TMEM170B: variants seen among roughly 807,000 people sequenced by gnomAD.
The protein encoded by TMEM170B is transmembrane protein 170B.
In TMEM170B, 6 loss-of-function variants were observed where a neutral mutation model predicts 13.0. That is an observed-to-expected ratio of 0.46 (90% CI 0.25 to 0.91). TMEM170B has a LOEUF of 0.91. Among genes scored for constraint, TMEM170B ranks in the 40% least tolerant of loss-of-function variants. The pLI, the probability that TMEM170B is intolerant of heterozygous loss-of-function variation, is 0.17. For missense variants in TMEM170B, 138 were observed against 165.2 expected (o/e 0.84, Z 0.90); for synonymous variants, 61 against 64.9 (o/e 0.94, Z 0.29).
At chr6:11,542,303 A>G (rs1176953950) in intron 1 of TMEM170B, among the ~76,000 whole-genome samples, 2 of 152,170 alleles carry the variant, frequency 1.3e-5, no homozygotes, top group African/African-American at 4.8e-5. Context: ...CTTCAACAAT[A>G]TTTTTAAATA....
chr6:11,552,176 T>A lies in TMEM170B; in HGVS notation c.98-13490T>A, dbSNP rs550002379. ...AGTGGTTGGGAACACCCGATTTTTT[T>A]AAAATTATTTTTTGTGATCAATTTA... On this transcript the variant is annotated intron_variant, in intron 1 of 2. Transcript: ENST00000379426. Among the ~76,000 whole-genome samples the A allele has an allele frequency of 3.7e-4, 57 of 152,304 alleles. No individual in the cohort carries two copies. The South Asian group carries it at 0.012, about 32-fold the overall frequency.
intron 1 of TMEM170B, among the ~76,000 whole-genome samples, chr6:11,550,073 A>G (rs1759503869): frequency 6.6e-6 from 1 of 152,082 alleles, no homozygotes; most frequent in Non-Finnish European, 1.5e-5. Context: ...CCTGGACTCA[A>G]GCAGTCTGCC....
Position 11,577,415 on chromosome 6 carries a change from A to G in TMEM170B, c.*1854A>G, listed in dbSNP as rs1759894350. On this transcript the variant is annotated 3_prime_UTR_variant, in exon 3 of 3. Transcript: ENST00000379426. ...AATTAAATTTAGGCATAACTTTTCC[A>G]AGTCAATCTGATTTTTTCTTTTCTG... 1 of 152,184 alleles carries G rather than the reference A, an allele frequency of 6.6e-6. No homozygotes were observed. The highest frequency in any genetic ancestry group is 1.9e-4 in the East Asian group (1 of 5,190). 9.4% of individuals were successfully genotyped at this position (152,184 alleles called of 1,614,324 possible).
chr6:11,545,360 G>A (rs1265221964), intron 1 of TMEM170B, among the ~76,000 whole-genome samples: 1 of 150,684 alleles, frequency 6.6e-6, no homozygotes, highest in Non-Finnish European at 1.5e-5. Context: ...TTTATTCAAA[G>A]GCAATATGTT....
chr6:11,545,843 T>TAAA (rs11426753), intron 1 of TMEM170B, among the ~76,000 whole-genome samples: 6 of 145,568 alleles, frequency 4.1e-5, no homozygotes, highest in East Asian at 2.0e-4. Flanking sequence ...CTGTGTCTAC[T>TAAA]AAAAAAAAAA....
rs1321960707 is a variant in TMEM170B, at chr6:11,575,170, A to G, written c.269-261A>G. Among the ~76,000 whole-genome samples, 2 of 152,158 alleles carry G rather than the reference A, an allele frequency of 1.3e-5. No homozygotes were observed. Among genetic ancestry groups the G allele is most frequent in the Non-Finnish European group, 2.9e-5 (2 of 68,020 alleles). On this transcript the variant is annotated intron_variant, in intron 2 of 2. Coordinates refer to ENST00000379426, the MANE Select transcript of TMEM170B (RefSeq NM_001100829.3). This position sits in a 1 kb window ranked among gnomAD's most constrained non-coding sequence, Gnocchi z 4.1. ...TTCATTGTTTATGAACATATTTGCTATCAAGTATGCAGCATATACCATAAA... is the reference window on the plus strand; with the variant it reads ...TTCATTGTTTATGAACATATTTGCTGTCAAGTATGCAGCATATACCATAAA...
In TMEM170B at chr6:11,581,882, T is replaced by G. The variant is rs1759962794; in HGVS notation, c.*6321T>G. 6.6e-6 allele frequency: 1 copy of G among 152,212 alleles called. No individual in the cohort carries two copies. The highest frequency in any genetic ancestry group is 2.1e-4 in the South Asian group (1 of 4,832). The allele number at this position is 152,212 out of a possible 1,614,324, so 9.4% of individuals were successfully genotyped here. A position where few individuals can be genotyped will look rare whatever the true frequency, so the allele number is the denominator to read the frequency against. ...CTTGTTGAGTAAATGATCATAAAAA[T>G]GACTTGCTTTTAATAGCAGATGAGT... On this transcript the variant is annotated 3_prime_UTR_variant, in exon 3 of 3. Transcript: ENST00000379426.
At chr6:11,543,691 G>C (rs150109163) in intron 1 of TMEM170B, among the ~76,000 whole-genome samples, 3 of 152,286 alleles carry the variant, frequency 2.0e-5, no homozygotes, top group Non-Finnish European at 4.4e-5. Flanking sequence ...TCTAGAACCA[G>C]TACTACTTGG....
rs1759973618 is a variant in TMEM170B, at chr6:11,582,784, G to A, written c.*7223G>A. ...AGACAGGAGAATAAATGTTGGAGGGGTAATACACAAAAACAAAGGCATATT... is the reference window on the plus strand; with the variant it reads ...AGACAGGAGAATAAATGTTGGAGGGATAATACACAAAAACAAAGGCATATT... On this transcript the variant is annotated 3_prime_UTR_variant, in exon 3 of 3. Coordinates refer to ENST00000379426, the MANE Select transcript of TMEM170B (RefSeq NM_001100829.3). 2 of 152,058 alleles carry A rather than the reference G, an allele frequency of 1.3e-5. No individual in the cohort carries two copies. The highest frequency in any genetic ancestry group is 6.6e-5 in the Admixed American group (1 of 15,266). The allele number at this position is 152,058 out of a possible 1,614,324, so 9.4% of individuals were successfully genotyped here. A position where few individuals can be genotyped will look rare whatever the true frequency, so the allele number is the denominator to read the frequency against.
intron 1 of TMEM170B, among the ~76,000 whole-genome samples, chr6:11,549,042 G>T (rs900263524): frequency 6.6e-5 from 10 of 152,084 alleles, no homozygotes; most frequent in Admixed American, 2.0e-4. Context: ...CCTGCACGTT[G>T]TGCACATGTA....
At chr6:11,543,266 G>C (rs1199346901) in intron 1 of TMEM170B, among the ~76,000 whole-genome samples, 1 of 152,132 alleles carries the variant, frequency 6.6e-6, no homozygotes, top group African/African-American at 2.4e-5. Context: ...TGTTTATTGA[G>C]ATGAATTTTT....
intron 1 of TMEM170B, among the ~76,000 whole-genome samples, chr6:11,559,197 CTT>C (rs754732208): frequency 6.4e-5 from 9 of 139,790 alleles, no homozygotes; most frequent in Admixed American, 7.1e-5. Flanking sequence ...CTTTTCTTTT[CTT>C]TTTTTTTTTT....
rs148910110 is a variant in TMEM170B, at chr6:11,556,670, C to T, written c.98-8996C>T. Among the ~76,000 whole-genome samples, 9 of 152,200 alleles carry T rather than the reference C, an allele frequency of 5.9e-5. No individual in the cohort carries two copies. The East Asian group carries it at 9.6e-4, about 16-fold the overall frequency. On this transcript the variant is annotated intron_variant, in intron 1 of 2. Coordinates refer to ENST00000379426, the MANE Select transcript of TMEM170B (RefSeq NM_001100829.3). Reference sequence around the variant, plus strand: ...TCTTAGGAGTTTCTCGTCCTTCCATCGGCAGTAACAGACCTCTGCTTGGAA... The same window carrying T: ...TCTTAGGAGTTTCTCGTCCTTCCATTGGCAGTAACAGACCTCTGCTTGGAA...
rs952223080 is a variant in TMEM170B at position 11,582,542 on chromosome 6, C to T, written c.*6981C>T. The T allele has an allele frequency of 3.3e-5, 5 of 152,068 alleles. No individual in the cohort carries two copies. Among genetic ancestry groups the T allele is most frequent in the Non-Finnish European group, 5.9e-5 (4 of 68,002 alleles). 9.4% of individuals were successfully genotyped at this position (152,068 alleles called of 1,614,324 possible). On this transcript the variant is annotated 3_prime_UTR_variant, in exon 3 of 3. Transcript: ENST00000379426. ...TATTTTCATGATGTGGTATTTTTCT[C>T]TATTTTTTCTTTTTCCAAGTATGAA...
Position 11,576,615 on chromosome 6 carries a change from A to G in TMEM170B, c.*1054A>G, listed in dbSNP as rs534662098. 2 of 152,188 alleles carry G rather than the reference A, an allele frequency of 1.3e-5. No individual in the cohort carries two copies. Among genetic ancestry groups the G allele is most frequent in the South Asian group, 2.1e-4 (1 of 4,828 alleles). The allele number at this position is 152,188 out of a possible 1,614,324, so 9.4% of individuals were successfully genotyped here. ...ATTAGGCTCTGGAAATAAAGACCTCATTTGTAGAAATAAGTAACAAGTAAG... is the reference window on the plus strand; with the variant it reads ...ATTAGGCTCTGGAAATAAAGACCTCGTTTGTAGAAATAAGTAACAAGTAAG... On this transcript the variant is annotated 3_prime_UTR_variant, in exon 3 of 3. Coordinates refer to ENST00000379426, the MANE Select transcript of TMEM170B (RefSeq NM_001100829.3).
At chr6:11,547,061 G>A (rs892597560) in intron 1 of TMEM170B, among the ~76,000 whole-genome samples, 1 of 152,190 alleles carries the variant, frequency 6.6e-6, no homozygotes, top group Non-Finnish European at 1.5e-5. Context: ...GTGGGTAACT[G>A]TAATTGCAGA....
intron 2 of TMEM170B, among the ~76,000 whole-genome samples, chr6:11,568,293 T>C (rs1172589881): frequency 1.3e-5 from 2 of 152,182 alleles, no homozygotes; most frequent in Non-Finnish European, 2.9e-5. Flanking sequence ...AAATTAGTTA[T>C]TCATTGTGGT....
At chr6:11,545,278 C>CTGTGTGTGTGTGTG (rs1222024504) in intron 1 of TMEM170B, among the ~76,000 whole-genome samples, 10 of 89,740 alleles carry the variant, frequency 1.1e-4, no homozygotes, top group Admixed American at 5.9e-4. Flanking sequence ...CTCTCTCTCT[C>CTGTGTGTGTGTGTG]TCTGTGTGTG....
chr6:11,555,232 A>T (rs1200556585), intron 1 of TMEM170B, among the ~76,000 whole-genome samples: 1 of 151,966 alleles, frequency 6.6e-6, no homozygotes. Context: ...TGGCTCGGAA[A>T]TTTCTGATAA....
Sources: gnomAD v4.1 joint callset for allele counts (sites outside exome capture counted in the v4.1 genomes callset) on GRCh38, gnomAD v4.1.1 for gene constraint, Gnocchi (gnomAD v3.1) non-coding constraint, MANE v1.5 for transcripts, NCBI Gene and HGNC (gene_info 2026-07-23, HGNC 2026-07-21) for gene names.